HYAL4: variants seen among roughly 807,000 people sequenced by gnomAD.
HYAL4 encodes the protein hyaluronidase 4, also known as hyaluronidase-4.
Under a neutral mutation model 35.2 loss-of-function variants are expected in HYAL4, and 37 were observed. The ratio of observed to expected loss-of-function variants is 1.05; its 90% CI spans 0.81 to 1.38. The LOEUF is 1.38. Ranked by LOEUF, HYAL4 falls within the 40% of genes most tolerant of loss-of-function variation. The pLI is 0.00. For missense variants in HYAL4, 572 were observed against 572.4 expected (o/e 1.00, Z 0.01); for synonymous variants, 198 against 203.2 (o/e 0.97, Z 0.22).
the HYAL4 span, among the ~76,000 whole-genome samples, chr7:123,800,102 G>T: frequency 6.6e-6 from 1 of 152,120 alleles, no homozygotes; most frequent in Non-Finnish European, 1.5e-5. Flanking sequence ...AGTGGAGGTT[G>T]CAGTGAGCCG....
chr7:123,789,104 G>A, the HYAL4 span, among the ~76,000 whole-genome samples: 7 of 152,294 alleles, frequency 4.6e-5, no homozygotes, highest in South Asian at 1.4e-3. Flanking sequence ...TATTTATGAA[G>A]ACATCTTCAC....
At chr7:123,839,181 C>G (rs1806014864) in intron 1 of HYAL4, among the ~76,000 whole-genome samples, 1 of 152,062 alleles carries the variant, frequency 6.6e-6, no homozygotes, top group Admixed American at 6.6e-5. Flanking sequence ...GCTCCCCACT[C>G]TTTGTCCAAA....
the HYAL4 span, among the ~76,000 whole-genome samples, chr7:123,806,893 C>G: frequency 6.6e-6 from 1 of 152,156 alleles, no homozygotes; most frequent in African/African-American, 2.4e-5. Flanking sequence ...AAAAGCTTCA[C>G]TCAGTCAGGT....
At chr7:123,811,859 G>A in the HYAL4 span, among the ~76,000 whole-genome samples, 569 of 151,548 alleles carry the variant, frequency 3.8e-3, 4 homozygotes, top group African/African-American at 0.013. Context: ...TGTTGTTGTC[G>A]GAGAGGGAGT....
chr7:123,790,372 C>T, the HYAL4 span, among the ~76,000 whole-genome samples: 20 of 152,064 alleles, frequency 1.3e-4, no homozygotes, highest in Non-Finnish European at 2.5e-4. Flanking sequence ...GATTAATAAT[C>T]TGGAAGTTTA....
intron 2 of HYAL4, among the ~76,000 whole-genome samples, chr7:123,857,657 C>CTTTGTTTGTTTG (rs1164019138): frequency 1.5e-5 from 1 of 66,974 alleles, no homozygotes. Context: ...TTCTTTGTTT[C>CTTTGTTTGTTTG]TTTCTTTGTT....
intron 2 of HYAL4, among the ~76,000 whole-genome samples, chr7:123,851,307 G>T (rs780131934): frequency 1.3e-5 from 2 of 151,868 alleles, no homozygotes; most frequent in Non-Finnish European, 2.9e-5. Flanking sequence ...GGTTTGTTAC[G>T]TAGCTATACA....
At chr7:123,800,111 C>T in the HYAL4 span, among the ~76,000 whole-genome samples, 2 of 150,572 alleles carry the variant, frequency 1.3e-5, no homozygotes, top group African/African-American at 2.4e-5. Context: ...TGCAGTGAGC[C>T]GAGATCGCGC....
chr7:123,867,442 T>A (rs747370773), intron 2 of HYAL4, among the ~76,000 whole-genome samples: 1 of 152,226 alleles, frequency 6.6e-6, no homozygotes, highest in African/African-American at 2.4e-5. Flanking sequence ...GATAATCTGG[T>A]AAGTTTCAGT....
At chr7:123,841,348 G>T (rs536036739), upstream of HYAL4, among the ~76,000 whole-genome samples, 1 of 151,912 alleles carries the variant, frequency 6.6e-6, no homozygotes, top group Non-Finnish European at 1.5e-5. Context: ...AACTTGATCC[G>T]TGATGGATAA....
chr7:123,813,583 T>TC, the HYAL4 span, among the ~76,000 whole-genome samples: 1 of 152,212 alleles, frequency 6.6e-6, no homozygotes, highest in Non-Finnish European at 1.5e-5. Context: ...CTATGCTAGT[T>TC]CCAAGGGTAA....
the HYAL4 span, among the ~76,000 whole-genome samples, chr7:123,776,229 G>T: frequency 6.6e-6 from 1 of 152,164 alleles, no homozygotes; most frequent in Non-Finnish European, 1.5e-5. Context: ...TAAGAAGAGC[G>T]TGATTTCCAT....
the HYAL4 span, among the ~76,000 whole-genome samples, chr7:123,769,946 C>CA: frequency 2.1e-4 from 32 of 151,020 alleles, no homozygotes; most frequent in Admixed American, 2.0e-3. Context: ...AAATAACAAA[C>CA]GTGTGGTTAT....
rs1806779072 is a variant in HYAL4, at chr7:123,868,768, G to T, written c.495G>T (p.Gln165His). The T allele has an allele frequency of 6.2e-7, 1 of 1,614,046 alleles. No homozygotes were observed. The highest frequency in any genetic ancestry group is 1.3e-5 in the African/African-American group (1 of 74,938). ...GGAACTCAAAAGATGTTTACAGACA[G>T]AAGTCAAGAAAGCTTATTTCCGATA... ...RNWNSKDVYRQKSRKLISDMG... is the reference protein window; with the variant it reads ...RNWNSKDVYRHKSRKLISDMG... Residue 165 changes from glutamine to histidine, a missense_variant, in exon 3 of 5, where the codon CAG becomes CAT. Transcript: ENST00000223026.
At chr7:123,810,512 T>C in the HYAL4 span, among the ~76,000 whole-genome samples, 1 of 152,346 alleles carries the variant, frequency 6.6e-6, no homozygotes, top group South Asian at 2.1e-4. Flanking sequence ...TAGACTTTAC[T>C]TTTCAGAGCA....
chr7:123,850,825 C>T (rs2191308), intron 2 of HYAL4, among the ~76,000 whole-genome samples: 17,566 of 152,140 alleles, frequency 0.12, 1,133 homozygotes, highest in Non-Finnish European at 0.14. Context: ...AATTCCAGAA[C>T]GACCTTATTG....
chr7:123,796,512 C>T, the HYAL4 span, among the ~76,000 whole-genome samples: 1 of 152,106 alleles, frequency 6.6e-6, no homozygotes, highest in Non-Finnish European at 1.5e-5. Flanking sequence ...CAAGCAACAA[C>T]AGAACTAGGC....
chr7:123,779,626 T>G, the HYAL4 span, among the ~76,000 whole-genome samples: 7 of 152,134 alleles, frequency 4.6e-5, no homozygotes, highest in Non-Finnish European at 1.0e-4. Context: ...ATTATAAAAT[T>G]CTATTTTGAG....
At chr7:123,822,108 A>G in the HYAL4 span, among the ~76,000 whole-genome samples, 2 of 152,130 alleles carry the variant, frequency 1.3e-5, no homozygotes, top group Non-Finnish European at 2.9e-5. Flanking sequence ...TTCTTTCTCA[A>G]GGTTACTTTG....
Sources: allele counts gnomAD v4.1 joint callset (sites outside exome capture counted in the v4.1 genomes callset), GRCh38; gene constraint gnomAD v4.1.1; transcripts MANE v1.5; gene names NCBI Gene and HGNC (gene_info 2026-07-23, HGNC 2026-07-21).